Variants in SLC25A23 observed in about 807,000 individuals in gnomAD.
SLC25A23 encodes mitochondrial adenyl nucleotide antiporter SLC25A23.
A neutral mutation model predicts 53.9 loss-of-function variants in SLC25A23; 32 were observed. The observed-to-expected ratio is 0.59, with a 90% CI of 0.45 to 0.80. The LOEUF is 0.80. Among genes scored for constraint, SLC25A23 ranks in the 30% least tolerant of loss-of-function variants. The pLI is 0.00. For missense variants in SLC25A23, 575 were observed against 651.4 expected (o/e 0.88, Z 1.28); for synonymous variants, 275 against 264.5 (o/e 1.04, Z -0.38).
At chr19:6,446,852 G>A (rs777433029) in intron 8 of SLC25A23, among the ~76,000 whole-genome samples, 1 of 152,302 alleles carries the variant, frequency 6.6e-6, no homozygotes, top group East Asian at 1.9e-4. Context: ...GTTAAGATGA[G>A]TAGGGTAACA....
At chr19:6,457,422 G>A in intron 3 of SLC25A23, 81 bp downstream of exon 3, 1 of 1,284,842 alleles carries the variant, frequency 7.8e-7, no homozygotes, top group East Asian at 2.3e-5. Flanking sequence ...TTGGGACTGG[G>A]TCTGGAGCCC....
chr19:6,436,800 G>A (rs1421188325), downstream of SLC25A23, among the ~76,000 whole-genome samples: 2 of 151,382 alleles, frequency 1.3e-5, no homozygotes, highest in Non-Finnish European at 2.9e-5. Context: ...CACCCGCCTC[G>A]GCCTCCCAAA....
chr19:6,454,353 C>T lies in SLC25A23; in HGVS notation c.765G>A (p.Glu255=), dbSNP rs1282324674. 3 of 1,614,042 alleles carry T rather than the reference C, an allele frequency of 1.9e-6. No homozygotes were observed. Among genetic ancestry groups the T allele is most frequent in the East Asian group, 4.5e-5 (2 of 44,904 alleles). ...CATAGGCCATGAACTTGATAGCTGA[C>T]TCGGGGGCAATCTTGAGTACATTAA... is the stretch of plus-strand genomic sequence containing the variant. The part of the protein sequence containing the change: ...NGINVLKIAP[E]SAIKFMAYEQ... The change falls in exon 6 of 10, where the codon GAG becomes GAA. Residue 255 remains glutamate (E), a synonymous_variant. Transcript: ENST00000301454. The surrounding 1 kb of genome is among the most constrained non-coding windows in gnomAD (Gnocchi z 4.3).
intron 9 of SLC25A23, chr19:6,443,632 G>A (rs1372210742): frequency 8.5e-6 from 6 of 702,066 alleles, no homozygotes; most frequent in African/African-American, 3.5e-5. Context: ...GGTGGGGACC[G>A]TGTCCGTCTT....
chr19:6,455,433 C>A (rs142136086), intron 4 of SLC25A23, among the ~76,000 whole-genome samples: 1 of 152,080 alleles, frequency 6.6e-6, no homozygotes, highest in Non-Finnish European at 1.5e-5. Context: ...CAGGGACCCA[C>A]GAAATCTCAC....
intron 8 of SLC25A23, among the ~76,000 whole-genome samples, chr19:6,448,501 C>T (rs553725316): frequency 2.0e-5 from 3 of 150,240 alleles, no homozygotes; most frequent in East Asian, 2.0e-4. Context: ...GATGAAATCT[C>T]GCTCTCTCAC....
intron 9 of SLC25A23, chr19:6,443,478 T>C (rs2144801558): frequency 1.6e-6 from 1 of 627,834 alleles, no homozygotes; most frequent in Non-Finnish European, 2.9e-6. Flanking sequence ...TCCTTCCTCT[T>C]TGGCCTCCTA....
At chr19:6,453,921 A>G in intron 7 of SLC25A23, 60 bp downstream of exon 7, 3 of 1,348,786 alleles carry the variant, frequency 2.2e-6, no homozygotes, top group South Asian at 2.6e-5. Context: ...GCAGAGTGAG[A>G]TGGGTACAGC....
chr19:6,457,666 C>T (rs2092700680), intron 2 of SLC25A23, 76 bp from the exon 3 acceptor site: 1 of 1,320,882 alleles, frequency 7.6e-7, no homozygotes, highest in South Asian at 1.2e-5. Context: ...AGGATCAGAA[C>T]AGCTTGGAAT....
intron 9 of SLC25A23, chr19:6,443,733 G>T (rs2092460938): frequency 1.5e-6 from 1 of 660,052 alleles, no homozygotes; most frequent in East Asian, 2.8e-5. Flanking sequence ...AGAATGGGAG[G>T]GTAGTGGTGG....
At chr19:6,445,506 A>C (rs1407104159) in intron 8 of SLC25A23, among the ~76,000 whole-genome samples, 1 of 152,184 alleles carries the variant, frequency 6.6e-6, no homozygotes, top group Admixed American at 6.6e-5. Context: ...TGAAGATGGA[A>C]GAAGGGACCA....
intron 4 of SLC25A23, among the ~76,000 whole-genome samples, chr19:6,455,707 GTTTTTTTTTTTT>G (rs529957147): frequency 6.3e-4 from 79 of 124,908 alleles, no homozygotes; most frequent in African/African-American, 1.3e-3. Flanking sequence ...TGAAGACCGT[GTTTTTTTTTTTT>G]TTTTTTTTTT....
Position 6,454,051 on chromosome 19 carries a change from T to C in SLC25A23, c.833A>G (p.His278Arg), listed in dbSNP as rs1027480472. Residue 278 changes from histidine to arginine, a missense_variant, in exon 7 of 10, where the codon CAT (histidine) becomes CGT (arginine). By Grantham distance (29) the His-to-Arg change is conservative. Transcript: ENST00000301454. The surrounding 1 kb of genome is among the most constrained non-coding windows in gnomAD (Gnocchi z 4.3). The stretch of plus-strand genomic sequence containing the variant: ...GCCAGCCACGAAGCGCTCCTGCACA[T>C]GCAGTGTCTCCTGCTGCCCCAGGAT... ...RAILGQQETL[H>R]VQERFVAGSL... 1 of 1,613,610 alleles carries C rather than the reference T, an allele frequency of 6.2e-7. No individual in the cohort carries two copies. The highest frequency in any genetic ancestry group is 8.5e-7 in the Non-Finnish European group (1 of 1,179,958).
intron 4 of SLC25A23, chr19:6,456,207 C>A: frequency 8.9e-7 from 1 of 1,125,874 alleles, no homozygotes; most frequent in Admixed American, 2.6e-5. Context: ...TCAAGGGCTG[C>A]GCTTCAATCA....
At chr19:6,450,777 G>T (rs1348721313) in intron 8 of SLC25A23, among the ~76,000 whole-genome samples, 2 of 151,972 alleles carry the variant, frequency 1.3e-5, no homozygotes, top group South Asian at 4.2e-4. Context: ...AAGGGTGGGG[G>T]TCCCTTGTTC....
In SLC25A23 at chr19:6,456,019, A is replaced by G. The variant is rs1192100615; in HGVS notation, c.483+401T>C. ...TAGGTGTGAGCCACTGCGCCTGGCC[A>G]AGACCGTGGTTTTTGAACGATTCTG... On this transcript the variant is annotated intron_variant, in intron 4 of 9. Coordinates refer to ENST00000301454, the MANE Select transcript of SLC25A23 (RefSeq NM_024103.3). 3.8e-6 allele frequency: 5 copies of G among 1,300,844 alleles called. No homozygotes were observed. The South Asian group carries it at 4.9e-5, about 13-fold the overall frequency. The allele number at this position is 1,300,844 out of a possible 1,614,324, so 80.6% of individuals were successfully genotyped here.
rs906779153 is a variant in SLC25A23, at chr19:6,454,241, C to A, written c.795+82G>T. On this transcript the variant is annotated intron_variant, in intron 6 of 9. Coordinates refer to ENST00000301454, the MANE Select transcript of SLC25A23 (RefSeq NM_024103.3). This position sits in a 1 kb window ranked among gnomAD's most constrained non-coding sequence, Gnocchi z 4.3. ...CCTGGGGACCTGTGTTCACCACCCA[C>A]CCCCAAGCCAATCCCGTAAATCTTT... is the stretch of plus-strand genomic sequence containing the variant. 1.3e-6 allele frequency: 2 copies of A among 1,546,898 alleles called. No homozygotes were observed. Among genetic ancestry groups the A allele is most frequent in the Non-Finnish European group, 1.8e-6 (2 of 1,141,860 alleles).
chr19:6,441,713 A>C lies in SLC25A23; in HGVS notation c.*262T>G. On this transcript the variant is annotated 3_prime_UTR_variant, in exon 10 of 10. Coordinates refer to ENST00000301454, the MANE Select transcript of SLC25A23 (RefSeq NM_024103.3). ...TGAGTTGCTGAAGTAAGGGATCCAC[A>C]GTTATGGTTACAGGGGGATCTGGGA... 1.9e-6 allele frequency: 1 copy of C among 514,850 alleles called. No individual in the cohort carries two copies. Among genetic ancestry groups the C allele is most frequent in the South Asian group, 2.1e-5 (1 of 47,610 alleles). The allele number at this position is 514,850 out of a possible 1,614,324, so 31.9% of individuals were successfully genotyped here.
intron 8 of SLC25A23, among the ~76,000 whole-genome samples, chr19:6,450,759 C>T (rs2092576135): frequency 6.6e-6 from 1 of 152,014 alleles, no homozygotes; most frequent in Non-Finnish European, 1.5e-5. Context: ...ATCCAGTGCA[C>T]AATGTAAAAG....
Sources: allele counts gnomAD v4.1 joint callset (sites outside exome capture counted in the v4.1 genomes callset), GRCh38; gene constraint gnomAD v4.1.1; non-coding constraint Gnocchi (gnomAD v3.1); transcripts MANE v1.5; gene names NCBI Gene and HGNC (gene_info 2026-07-23, HGNC 2026-07-21).